Variants in ANKRD29 observed in about 807,000 individuals in gnomAD.
ANKRD29 encodes the protein ankyrin repeat domain-containing protein 29.
In ANKRD29, 32 loss-of-function variants were observed where a neutral mutation model predicts 38.0. That is an observed-to-expected ratio of 0.84 (90% confidence interval 0.64 to 1.13). The LOEUF (loss-of-function observed/expected upper bound fraction) is 1.13. Among genes scored for constraint, ANKRD29 ranks in the 50% most tolerant of loss-of-function variants. The probability of loss-of-function intolerance (pLI) is 0.00; values close to 1 mark genes in which losing one functional copy is unlikely to be tolerated. For synonymous variants in ANKRD29, 135 were observed against 152.4 expected, an observed-to-expected ratio of 0.89 and a Z score of 0.84; for missense variants, 357 against 377.9, an observed-to-expected ratio of 0.94 and a Z score of 0.46.
intron 3 of ANKRD29, 142 bp from the exon 4 acceptor site, chr18:23,639,089 T>G (rs1020461675): frequency 1.1e-5 from 6 of 565,436 alleles, no homozygotes; most frequent in African/African-American, 9.6e-5. Flanking sequence ...AGATTCTTAT[T>G]TTTTGGTCAG....
chr18:23,606,013 T>C (rs1197637425), intron 9 of ANKRD29, among the ~76,000 whole-genome samples: 2 of 152,232 alleles, frequency 1.3e-5, no homozygotes, highest in African/African-American at 4.8e-5. Flanking sequence ...GTGTTCCTGC[T>C]TTGAGGTGTA....
chr18:23,660,499 C>T (rs546849152), intron 1 of ANKRD29, among the ~76,000 whole-genome samples: 1 of 152,204 alleles, frequency 6.6e-6, no homozygotes, highest in South Asian at 2.1e-4. Flanking sequence ...CTTGCTGCAG[C>T]CACTGCCTTT....
intron 3 of ANKRD29, among the ~76,000 whole-genome samples, chr18:23,645,462 C>T (rs2060126681): frequency 6.6e-6 from 1 of 152,170 alleles, no homozygotes; most frequent in Admixed American, 6.5e-5. Flanking sequence ...GCAGTCCCAG[C>T]TACTCGGGAG....
At chr18:23,637,637 A>G (rs1197912917) in intron 4 of ANKRD29, among the ~76,000 whole-genome samples, 2 of 151,864 alleles carry the variant, frequency 1.3e-5, no homozygotes, top group East Asian at 1.9e-4. Flanking sequence ...AGCTCAAACT[A>G]TCCTCCTGCC....
chr18:23,654,845 G>A (rs961683439), intron 1 of ANKRD29, among the ~76,000 whole-genome samples: 4 of 151,978 alleles, frequency 2.6e-5, no homozygotes, highest in Non-Finnish European at 5.9e-5. Context: ...GAAACACAGA[G>A]GAAAATTTAT....
Position 23,635,123 on chromosome 18 carries a change from C to T in ANKRD29, c.331-974G>A, listed in dbSNP as rs140189947. Among the ~76,000 whole-genome samples, 477 of 152,026 alleles carry T rather than the reference C, an allele frequency of 3.1e-3. 2 individuals carry two copies. Among genetic ancestry groups the T allele is most frequent in the Middle Eastern group, 0.017 (5 of 294 alleles). ...CAGAAGCCTGAGCAACAAAAATTAG[C>T]CAGGGTGTGGTGGTGTGCGCCTGTA... On this transcript the variant is annotated intron_variant, in intron 4 of 9. Coordinates refer to ENST00000592179, the MANE Select transcript of ANKRD29 (RefSeq NM_173505.4).
At chr18:23,656,050 G>A (rs1416550562) in intron 1 of ANKRD29, among the ~76,000 whole-genome samples, 2 of 143,776 alleles carry the variant, frequency 1.4e-5, no homozygotes, top group South Asian at 2.2e-4. Flanking sequence ...CCGAGATCCC[G>A]CCACTGCACT....
At chr18:23,656,776 G>A (rs537466474) in intron 1 of ANKRD29, among the ~76,000 whole-genome samples, 1 of 152,338 alleles carries the variant, frequency 6.6e-6, no homozygotes, top group South Asian at 2.1e-4. Context: ...ATTTTAATAT[G>A]TTTGATAGGA....
At position 23,662,727 on chromosome 18, in the gene ANKRD29, A is replaced by T; in HGVS notation, c.4T>A (p.Cys2Ser). 1 of 1,469,092 alleles carries T rather than the reference A, an allele frequency of 6.8e-7. No individual in the cohort carries two copies. Among genetic ancestry groups the T allele is most frequent in the Non-Finnish European group, 9.0e-7 (1 of 1,115,242 alleles). The allele number at this position is 1,469,092 out of a possible 1,614,324, so 91.0% of individuals were successfully genotyped here. M[C>S]RMSFKKETPL... ...TCGCTCACCTTGAAGGACATCCTGC[A>T]CATGTCCGCGGCCGCCCGAGCGGGA... Residue 2 changes from cysteine to serine, a missense_variant, in exon 1 of 10, where the codon TGC becomes AGC. Physicochemically the swap from Cys to Ser is moderately radical, Grantham distance 112. Coordinates refer to ENST00000592179, the MANE Select transcript of ANKRD29 (RefSeq NM_173505.4).
chr18:23,626,710 G>A (rs757027293), intron 6 of ANKRD29, among the ~76,000 whole-genome samples: 1 of 152,156 alleles, frequency 6.6e-6, no homozygotes, highest in Non-Finnish European at 1.5e-5. Flanking sequence ...TACTAAAAAG[G>A]TCTTCATTTA....
intron 8 of ANKRD29, among the ~76,000 whole-genome samples, chr18:23,613,164 A>ATTT (rs546475443): frequency 2.2e-3 from 219 of 98,952 alleles, no homozygotes; most frequent in Middle Eastern, 7.2e-3. Flanking sequence ...ACGGGTCAGA[A>ATTT]TTTTTTTTTT....
intron 5 of ANKRD29, among the ~76,000 whole-genome samples, chr18:23,631,856 C>T (rs1312363474): frequency 6.6e-6 from 1 of 152,138 alleles, no homozygotes; most frequent in Non-Finnish European, 1.5e-5. Context: ...GCATGATCCC[C>T]GGATGCTCCC....
chr18:23,620,181 T>C (rs2059779156), intron 6 of ANKRD29, among the ~76,000 whole-genome samples: 1 of 152,134 alleles, frequency 6.6e-6, no homozygotes, highest in Non-Finnish European at 1.5e-5. Flanking sequence ...AGAACTCAAG[T>C]CATTTCTCCT....
At chr18:23,653,463 C>T (rs927191723) in intron 1 of ANKRD29, among the ~76,000 whole-genome samples, 1 of 152,220 alleles carries the variant, frequency 6.6e-6, no homozygotes, top group East Asian at 1.9e-4. Context: ...ATTGGCCAGG[C>T]TGATCTCGAA....
chr18:23,617,442 C>T lies in ANKRD29; in HGVS notation c.723+290G>A, dbSNP rs181425171. The stretch of plus-strand genomic sequence containing the variant: ...TTCTTCTTCCTTGATTTCACAAATC[C>T]TCCAAATGGTGTCAAAATGGCATAC... On this transcript the variant is annotated intron_variant, in intron 8 of 9. Coordinates refer to ENST00000592179, the MANE Select transcript of ANKRD29 (RefSeq NM_173505.4). 2.8e-3 allele frequency among the ~76,000 whole-genome samples: 432 copies of T among 152,018 alleles called. 2 individuals carry two copies. The highest frequency in any genetic ancestry group is 0.014 in the Middle Eastern group (4 of 294).
At chr18:23,645,720 C>T (rs565206787) in intron 3 of ANKRD29, among the ~76,000 whole-genome samples, 1 of 152,256 alleles carries the variant, frequency 6.6e-6, no homozygotes, top group South Asian at 2.1e-4. Flanking sequence ...CGGCTTTTTC[C>T]AGGAGAGCTT....
At chr18:23,624,228 G>A (rs1800112896) in intron 6 of ANKRD29, among the ~76,000 whole-genome samples, 1 of 151,564 alleles carries the variant, frequency 6.6e-6, no homozygotes, top group African/African-American at 2.4e-5. Context: ...CACTTTGGGA[G>A]GCCGAGGTGG....
chr18:23,603,061 T>C (rs1368329383), intron 9 of ANKRD29, among the ~76,000 whole-genome samples: 3 of 152,204 alleles, frequency 2.0e-5, no homozygotes, highest in Non-Finnish European at 2.9e-5. Context: ...CACACAGATA[T>C]GTAGCTGGAA....
At position 23,623,889 on chromosome 18, in the gene ANKRD29, C is replaced by T. The variant is rs558868184; in HGVS notation, c.529-4260G>A. On this transcript the variant is annotated intron_variant, in intron 6 of 9. Coordinates refer to ENST00000592179, the MANE Select transcript of ANKRD29 (RefSeq NM_173505.4). ...CGATCTCCTGATCTTGTAATCTGCC[C>T]GCCTCGGCCTCCCAAAGTGCTGGGA... is the stretch of plus-strand genomic sequence containing the variant. Among the ~76,000 whole-genome samples, 25 of 151,642 alleles carry T rather than the reference C, an allele frequency of 1.6e-4. No individual in the cohort carries two copies. In the South Asian group the frequency reaches 2.7e-3, roughly 16 times the overall value.
Sources: gnomAD v4.1 joint callset for allele counts (sites outside exome capture counted in the v4.1 genomes callset) on GRCh38, gnomAD v4.1.1 for gene constraint, MANE v1.5 for transcripts, NCBI Gene and HGNC (gene_info 2026-07-23, HGNC 2026-07-21) for gene names.